Variants in AATK observed in about 807,000 individuals in gnomAD.
The protein encoded by AATK is serine/threonine-protein kinase LMTK1.
A neutral mutation model predicts 114.3 loss-of-function variants in AATK; 91 were observed. That is an observed-to-expected ratio of 0.80 (90% CI 0.67 to 0.95). AATK has a LOEUF of 0.95. AATK is among the 40% of genes least tolerant of loss of function. AATK has a pLI of 0.00. For missense variants in AATK, 2,176 were observed against 1,965.2 expected, an observed-to-expected ratio of 1.11 and a Z score of -2.03; for synonymous variants, 1,075 against 916.5, an observed-to-expected ratio of 1.17 and a Z score of -3.12.
intron 1 of AATK, chr17:81,165,721 G>C (rs1395500052): frequency 1.3e-6 from 2 of 1,522,892 alleles, no homozygotes; most frequent in African/African-American, 2.8e-5. Flanking sequence ...GACCACGCGG[G>C]GGACGCCAGC....
chr17:81,160,730 G>A (rs964689244), intron 1 of AATK, among the ~76,000 whole-genome samples: 9 of 152,246 alleles, frequency 5.9e-5, no homozygotes, highest in African/African-American at 2.2e-4. Context: ...GTGGTCGAGT[G>A]GGCCTCCCGT....
chr17:81,140,858 TG>T (rs2146358645), intron 1 of AATK, among the ~76,000 whole-genome samples: 1 of 68,250 alleles, frequency 1.5e-5, no homozygotes, highest in African/African-American at 7.5e-5. Context: ...CGTGGGGCTG[TG>T]GGGCCGTGAG....
At chr17:81,132,841 C>T in intron 2 of AATK, 1 of 238,176 alleles carries the variant, frequency 4.2e-6, no homozygotes, top group Non-Finnish European at 8.7e-6. Context: ...CACACTGGTG[C>T]TGGAATGTTC....
Position 81,122,568 on chromosome 17 carries a change from G to T in AATK, c.1368C>A (p.Asp456Glu), listed in dbSNP as rs564169165. 3 of 1,468,672 alleles carry T rather than the reference G, an allele frequency of 2.0e-6. No individual in the cohort carries two copies. Among genetic ancestry groups the T allele is most frequent in the Admixed American group, 2.2e-5 (1 of 45,364 alleles). 91.0% of individuals were successfully genotyped at this position (1,468,672 alleles called of 1,614,324 possible). A position where few individuals can be genotyped will look rare whatever the true frequency, so the allele number is the denominator to read the frequency against. Residue 456 changes from aspartate (D) to glutamate (E), a missense_variant, in exon 11 of 14, where the codon GAC becomes GAA. Asp to Glu is a conservative substitution (Grantham distance 45). This residue lies in a region of AATK where 1,701 missense variants were observed against 1,394.7 expected (regional missense o/e 1.22). Coordinates refer to ENST00000326724, the MANE Select transcript of AATK (RefSeq NM_001080395.3). ...SFPLLEQFAGDGFHADGDDVL... is the reference protein window; with the variant it reads ...SFPLLEQFAGEGFHADGDDVL... Reference sequence around the variant, plus strand: ...CGTCGTCGCCGTCCGCGTGGAAGCCGTCGCCCGCGAACTGCTCCAGCAGCG... The same window carrying T: ...CGTCGTCGCCGTCCGCGTGGAAGCCTTCGCCCGCGAACTGCTCCAGCAGCG...
chr17:81,130,684 A>G lies in AATK; in HGVS notation c.334+377T>C, dbSNP rs891617256. On this transcript the variant is annotated intron_variant, in intron 3 of 13. Coordinates refer to ENST00000326724, the MANE Select transcript of AATK (RefSeq NM_001080395.3). ...GCAGAAGAGCCCCTGCCCCCAGCAC[A>G]TGGCCATGTCCAGGACCAGAGAGCC... Among the ~76,000 whole-genome samples, 6 of 151,792 alleles carry G rather than the reference A, an allele frequency of 4.0e-5. No individual in the cohort carries two copies. In the East Asian group the frequency reaches 1.2e-3, roughly 30 times the overall value.
chr17:81,118,951 G>A (rs367866853), intron 13 of AATK, among the ~76,000 whole-genome samples: 1 of 152,232 alleles, frequency 6.6e-6, no homozygotes, highest in African/African-American at 2.4e-5. Context: ...GCGGATAGTG[G>A]AGGGCCATGG....
intron 1 of AATK, among the ~76,000 whole-genome samples, chr17:81,160,850 G>A (rs957516056): frequency 7.2e-5 from 11 of 152,202 alleles, no homozygotes; most frequent in Non-Finnish European, 1.2e-4. Flanking sequence ...GAACAGCGTG[G>A]TCCCAGGCTC....
chr17:81,160,919 C>T (rs906186), intron 1 of AATK, among the ~76,000 whole-genome samples: 1 of 152,216 alleles, frequency 6.6e-6, no homozygotes, highest in South Asian at 2.1e-4. Flanking sequence ...CTGCCTCCCC[C>T]GTGGACCGAG....
intron 7 of AATK, 113 bp from the exon 8 acceptor site, chr17:81,125,127 T>C: frequency 1.1e-6 from 1 of 880,222 alleles, no homozygotes; most frequent in Non-Finnish European, 1.7e-6. Flanking sequence ...CAGCACAGGG[T>C]CCTTTGCCAA....
Position 81,121,876 on chromosome 17 carries a change from T to C in AATK, c.2060A>G (p.Asn687Ser), listed in dbSNP as rs756137049. ...GGACTCTGGACAGCGGCTGCCGCTGTTGTTGTTGGCTGACACGTTGGAGCG... is the reference window on the plus strand; with the variant it reads ...GGACTCTGGACAGCGGCTGCCGCTGCTGTTGTTGGCTGACACGTTGGAGCG... Reference protein sequence around the residue: ...HWRSNVSANNNSGSRCPESWD... With the variant: ...HWRSNVSANNSSGSRCPESWD... Residue 687 changes from asparagine to serine, a missense_variant, in exon 11 of 14, where the codon AAC becomes AGC. Transcript: ENST00000326724. 6.3e-6 allele frequency: 10 copies of C among 1,598,874 alleles called. No homozygotes were observed. The Admixed American group carries it at 1.3e-4, about 21-fold the overall frequency.
intron 1 of AATK, among the ~76,000 whole-genome samples, chr17:81,147,092 G>A (rs1009407397): frequency 1.3e-5 from 2 of 151,622 alleles, no homozygotes; most frequent in African/African-American, 4.9e-5. Flanking sequence ...GCCAGGCCTG[G>A]TGGCTCCCGC....
intron 1 of AATK, among the ~76,000 whole-genome samples, chr17:81,141,040 T>C (rs1776476448): frequency 9.0e-6 from 1 of 111,166 alleles, no homozygotes; most frequent in South Asian, 3.4e-4. Flanking sequence ...GTGGGGACCA[T>C]GGGGACCGTG....
At chr17:81,135,439 G>A (rs941604265) in intron 1 of AATK, among the ~76,000 whole-genome samples, 15 of 152,212 alleles carry the variant, frequency 9.9e-5, no homozygotes, top group African/African-American at 2.6e-4. Context: ...CTTTCTGTCC[G>A]GCTGCCCTCC....
chr17:81,121,121 A>G lies in AATK; in HGVS notation c.2815T>C (p.Tyr939His). The part of the protein sequence containing the change: ...GGQPRALDSG[Y>H]DTENYESPEF... ...GGGGACTCATAGTTCTCGGTGTCATAGCCACTGTCCAGCGCTCGCGGCTGC... is the reference window on the plus strand; with the variant it reads ...GGGGACTCATAGTTCTCGGTGTCATGGCCACTGTCCAGCGCTCGCGGCTGC... The change falls in exon 11 of 14, where the codon TAT (tyrosine) becomes CAT (histidine). Residue 939 changes from tyrosine to histidine, a missense_variant. Around this residue, in one of 4 missense-constraint regions of AATK, gnomAD observed 1,701 missense variants for 1,394.7 expected, o/e 1.22. Coordinates refer to ENST00000326724, the MANE Select transcript of AATK (RefSeq NM_001080395.3). The G allele has an allele frequency of 6.2e-7, 1 of 1,605,274 alleles. No homozygotes were observed. Among genetic ancestry groups the G allele is most frequent in the Non-Finnish European group, 8.5e-7 (1 of 1,176,680 alleles).
intron 12 of AATK, 115 bp from the exon 13 acceptor site, chr17:81,119,695 C>A: frequency 1.3e-6 from 1 of 797,578 alleles, no homozygotes. Context: ...GCCCAGGCCC[C>A]GCCTCCCATG....
At chr17:81,155,479 C>T (rs978511276) in intron 1 of AATK, among the ~76,000 whole-genome samples, 11 of 152,014 alleles carry the variant, frequency 7.2e-5, no homozygotes, top group Admixed American at 1.3e-4. Flanking sequence ...CTCCGCCTCC[C>T]GGATTCAAGT....
At chr17:81,128,970 G>A (rs923879114) in intron 3 of AATK, 77 of 1,038,798 alleles carry the variant, frequency 7.4e-5, no homozygotes, top group Admixed American at 1.3e-4. Context: ...ATCCCACGCC[G>A]GGCGCACCAA....
In AATK at chr17:81,162,960, C is replaced by T. The variant is rs1313523600; in HGVS notation, c.55+2978G>A. On this transcript the variant is annotated intron_variant, in intron 1 of 13. Coordinates refer to ENST00000326724, the MANE Select transcript of AATK (RefSeq NM_001080395.3). Reference sequence around the variant, plus strand: ...AGCCATGGTAGGCACTGCCCAGGTACCCACCCTTGGCTCAGTGCACCACTG... The same window carrying T: ...AGCCATGGTAGGCACTGCCCAGGTATCCACCCTTGGCTCAGTGCACCACTG... Among the ~76,000 whole-genome samples, 3 of 152,170 alleles carry T rather than the reference C, an allele frequency of 2.0e-5. No homozygotes were observed. The South Asian group carries it at 6.2e-4, about 32-fold the overall frequency.
chr17:81,158,397 C>CA (rs1567829055), intron 1 of AATK, among the ~76,000 whole-genome samples: 1 of 152,194 alleles, frequency 6.6e-6, no homozygotes, highest in African/African-American at 2.4e-5. Context: ...GTGTGCTGGT[C>CA]AGTGTCTGCA....
Sources: gnomAD v4.1 joint callset for allele counts (sites outside exome capture counted in the v4.1 genomes callset) on GRCh38, gnomAD v4.1.1 for gene constraint, gnomAD v4.1.1 regional missense constraint, MANE v1.5 for transcripts, NCBI Gene and HGNC (gene_info 2026-07-23, HGNC 2026-07-21) for gene names.